The following CCSER1 variants were observed in gnomAD, a reference collection of about 807,000 sequenced individuals.
The protein encoded by CCSER1 is serine-rich coiled-coil domain-containing protein 1.
A neutral mutation model predicts 82.0 loss-of-function variants in CCSER1; 41 were observed. The observed-to-expected ratio is 0.50, with a 90% CI of 0.39 to 0.65. The LOEUF is 0.65. Among genes scored for constraint, CCSER1 ranks in the 30% least tolerant of loss-of-function variants. The pLI is 0.00. For missense variants in CCSER1, 1,119 were observed against 1,064.2 expected, an observed-to-expected ratio of 1.05 and a Z score of -0.72; for synonymous variants, 414 against 383.9, an observed-to-expected ratio of 1.08 and a Z score of -0.92.
chr4:90,926,069 A>T (rs1030719000), intron 9 of CCSER1, among the ~76,000 whole-genome samples: 1 of 152,008 alleles, frequency 6.6e-6, no homozygotes, highest in Admixed American at 6.6e-5. Flanking sequence ...TTCTCCCATG[A>T]CCAGGATATA....
chr4:91,331,615 A>G (rs1746959967), intron 10 of CCSER1, among the ~76,000 whole-genome samples: 1 of 152,000 alleles, frequency 6.6e-6, no homozygotes, highest in African/African-American at 2.4e-5. Context: ...AACCTCCCTG[A>G]CTCTGTCAAG....
At chr4:90,559,588 A>C (rs1352314127) in intron 5 of CCSER1, among the ~76,000 whole-genome samples, 1 of 152,100 alleles carries the variant, frequency 6.6e-6, no homozygotes, top group Non-Finnish European at 1.5e-5. Context: ...TGGGAGGCCA[A>C]GGTGGGAGGA....
At chr4:90,562,047 G>T (rs1031717744) in intron 5 of CCSER1, among the ~76,000 whole-genome samples, 1 of 151,840 alleles carries the variant, frequency 6.6e-6, no homozygotes, top group Non-Finnish European at 1.5e-5. Flanking sequence ...AATGTTAGCC[G>T]GGCATAGTGG....
At chr4:90,490,373 G>GT (rs956059248) in intron 5 of CCSER1, among the ~76,000 whole-genome samples, 24 of 152,080 alleles carry the variant, frequency 1.6e-4, no homozygotes, top group African/African-American at 5.5e-4. Context: ...GGGGTTGTTT[G>GT]TTTTTTTCTT....
intron 10 of CCSER1, among the ~76,000 whole-genome samples, chr4:91,406,331 C>T (rs1462068266): frequency 6.6e-6 from 1 of 152,152 alleles, no homozygotes; most frequent in African/African-American, 2.4e-5. Flanking sequence ...AGCAGGGTCT[C>T]TTTTACTCCA....
At chr4:90,176,732 A>G (rs1732761321) in intron 1 of CCSER1, among the ~76,000 whole-genome samples, 1 of 152,076 alleles carries the variant, frequency 6.6e-6, no homozygotes, top group African/African-American at 2.4e-5. Context: ...AAAACTTCAG[A>G]ACGAGGAGCA....
intron 5 of CCSER1, among the ~76,000 whole-genome samples, chr4:90,486,555 A>T (rs1767086925): frequency 6.6e-6 from 1 of 152,216 alleles, no homozygotes; most frequent in Admixed American, 6.5e-5. Context: ...ACAGGTGATG[A>T]ATCATGTCTG....
chr4:91,568,078 G>C (rs184625068), intron 10 of CCSER1, among the ~76,000 whole-genome samples: 1 of 152,028 alleles, frequency 6.6e-6, no homozygotes, highest in Non-Finnish European at 1.5e-5. Context: ...TTATCTGAAA[G>C]GGATATTATT....
chr4:90,398,306 G>T (rs902858839), intron 3 of CCSER1, among the ~76,000 whole-genome samples: 8 of 152,040 alleles, frequency 5.3e-5, no homozygotes, highest in African/African-American at 1.7e-4. Flanking sequence ...AGGTACTGGG[G>T]GTTAGGATTT....
chr4:90,631,578 A>G (rs1724444263), intron 6 of CCSER1, among the ~76,000 whole-genome samples: 1 of 152,206 alleles, frequency 6.6e-6, no homozygotes, highest in Non-Finnish European at 1.5e-5. Context: ...GTTAATGACT[A>G]GCGGCTAGAA....
chr4:90,624,021 A>G (rs1426513897), intron 5 of CCSER1, among the ~76,000 whole-genome samples: 1 of 152,196 alleles, frequency 6.6e-6, no homozygotes, highest in Non-Finnish European at 1.5e-5. Context: ...TTTAAAAGTT[A>G]TTATTTTCTG....
At chr4:90,833,414 G>C (rs1433738194) in intron 8 of CCSER1, among the ~76,000 whole-genome samples, 1 of 152,110 alleles carries the variant, frequency 6.6e-6, no homozygotes, top group African/African-American at 2.4e-5. Flanking sequence ...AACCATAGCA[G>C]GGCTACTTCC....
intron 1 of CCSER1, among the ~76,000 whole-genome samples, chr4:90,238,795 T>C (rs1746287525): frequency 6.6e-6 from 1 of 152,182 alleles, no homozygotes; most frequent in Admixed American, 6.5e-5. Context: ...TCTATAGGAA[T>C]TAAATCTTCT....
At chr4:91,395,672 A>C (rs1751934101) in intron 10 of CCSER1, among the ~76,000 whole-genome samples, 1 of 151,936 alleles carries the variant, frequency 6.6e-6, no homozygotes. Flanking sequence ...TGTTTTTTTT[A>C]TATCACAGGA....
chr4:90,987,289 A>G (rs1736653467), intron 9 of CCSER1, among the ~76,000 whole-genome samples: 1 of 151,162 alleles, frequency 6.6e-6, no homozygotes, highest in African/African-American at 2.4e-5. Context: ...CTCTTTACCC[A>G]TAGCCCTTCC....
At chr4:90,674,954 A>G (rs1019440880) in intron 6 of CCSER1, among the ~76,000 whole-genome samples, 6 of 151,948 alleles carry the variant, frequency 3.9e-5, no homozygotes, top group Non-Finnish European at 5.9e-5. Context: ...TATTATGACT[A>G]TTTTTCAGTG....
At chr4:90,277,893 G>A (rs1021409319) in intron 1 of CCSER1, among the ~76,000 whole-genome samples, 1 of 151,554 alleles carries the variant, frequency 6.6e-6, no homozygotes, top group Non-Finnish European at 1.5e-5. Context: ...GGAGTAAACA[G>A]ACAGCCCATA....
intron 5 of CCSER1, among the ~76,000 whole-genome samples, chr4:90,477,041 A>G (rs201420591): frequency 2.0e-5 from 3 of 152,162 alleles, no homozygotes; most frequent in Non-Finnish European, 4.4e-5. Flanking sequence ...AGTAGCTCTT[A>G]TGTGTGCAGA....
intron 1 of CCSER1, among the ~76,000 whole-genome samples, chr4:90,144,465 G>T (rs542649925): frequency 6.6e-6 from 1 of 152,068 alleles, no homozygotes; most frequent in Non-Finnish European, 1.5e-5. Flanking sequence ...GTTTCACTGC[G>T]ACTGCCTTGG....
Sources: allele counts gnomAD v4.1 joint callset (sites outside exome capture counted in the v4.1 genomes callset), GRCh38; gene constraint gnomAD v4.1.1; transcripts MANE v1.5; gene names NCBI Gene and HGNC (gene_info 2026-07-23, HGNC 2026-07-21).